Variants in TRPC1 observed in about 807,000 individuals in gnomAD.
TRPC1 encodes the protein transient receptor potential cation channel subfamily C member 1.
TRPC1 carries 42 observed loss-of-function variants against 88.2 expected under a neutral mutation model. The ratio of observed to expected loss-of-function variants is 0.48; its 90% confidence interval spans 0.37 to 0.62. The LOEUF is 0.62. Among genes scored for constraint, TRPC1 ranks in the 20% least tolerant of loss-of-function variants. TRPC1 has a pLI of 0.00. For synonymous variants in TRPC1, 288 were observed against 331.8 expected (o/e 0.87, Z 1.43); for missense variants, 699 against 957.3 (o/e 0.73, Z 3.56).
intron 2 of TRPC1, among the ~76,000 whole-genome samples, chr3:142,742,483 G>A (rs763650766): frequency 6.6e-6 from 1 of 152,014 alleles, no homozygotes; most frequent in Non-Finnish European, 1.5e-5. Flanking sequence ...AGATATTCAG[G>A]TAAAGTCTGC....
At chr3:142,782,084 A>C (rs555059472) in intron 6 of TRPC1, among the ~76,000 whole-genome samples, 4 of 152,290 alleles carry the variant, frequency 2.6e-5, no homozygotes, top group African/African-American at 9.6e-5. Context: ...TGATAGAATA[A>C]GGGGATTACA....
At chr3:142,754,430 TGAC>T (rs1430373522) in intron 4 of TRPC1, among the ~76,000 whole-genome samples, 3 of 151,992 alleles carry the variant, frequency 2.0e-5, no homozygotes, top group African/African-American at 4.8e-5. Flanking sequence ...ATAAAAAAAA[TGAC>T]GAGTTAATGT....
chr3:142,741,219 TTC>T (rs1343392608), intron 2 of TRPC1, among the ~76,000 whole-genome samples: 2 of 123,502 alleles, frequency 1.6e-5, no homozygotes, highest in Non-Finnish European at 3.6e-5. Context: ...AAACATTTAT[TTC>T]TCTCATAACT....
Position 142,724,486 on chromosome 3 carries a change from T to TC in TRPC1, c.-74_-73insC. 1.4e-6 allele frequency: 2 copies of TC among 1,384,056 alleles called. No individual in the cohort carries two copies. Among genetic ancestry groups the TC allele is most frequent in the East Asian group, 5.6e-5 (2 of 35,744 alleles). The allele number at this position is 1,384,056 out of a possible 1,614,324, so 85.7% of individuals were successfully genotyped here. A position where few individuals can be genotyped will look rare whatever the true frequency, so the allele number is the denominator to read the frequency against. ...CCTTTTTCCAGCCCTGGGGCGTGGC[T>TC]GGGGTCGGGGTCGGGGTCGGGGCCG... On this transcript the variant is annotated 5_prime_UTR_variant, in exon 1 of 13. Coordinates refer to ENST00000476941, the MANE Select transcript of TRPC1 (RefSeq NM_001251845.2). This position sits in a 1 kb window ranked among gnomAD's most constrained non-coding sequence, Gnocchi z 5.6.
rs1253502996 is a variant in TRPC1 at position 142,806,902 on chromosome 3, A to T, written c.*667A>T. 1 of 151,936 alleles carries T rather than the reference A, an allele frequency of 6.6e-6. No homozygotes were observed. The highest frequency in any genetic ancestry group is 1.5e-5 in the Non-Finnish European group (1 of 67,948). The allele number at this position is 151,936 out of a possible 1,614,324, so 9.4% of individuals were successfully genotyped here. A position where few individuals can be genotyped will look rare whatever the true frequency, so the allele number is the denominator to read the frequency against. The stretch of plus-strand genomic sequence containing the variant: ...TAATGTTTTTTTCACTTAATATTTT[A>T]TATATACATTTCCATGTATTGATGT... On this transcript the variant is annotated 3_prime_UTR_variant, in exon 13 of 13. Coordinates refer to ENST00000476941, the MANE Select transcript of TRPC1 (RefSeq NM_001251845.2).
At chr3:142,805,119 A>AAC (rs1202223343) in intron 12 of TRPC1, among the ~76,000 whole-genome samples, 3 of 95,952 alleles carry the variant, frequency 3.1e-5, no homozygotes, top group African/African-American at 1.4e-4. Flanking sequence ...CAAACAAACA[A>AAC]ATATATATAT....
intron 1 of TRPC1, among the ~76,000 whole-genome samples, chr3:142,730,087 A>G (rs1384154048): frequency 1.4e-4 from 22 of 152,162 alleles, no homozygotes; most frequent in Admixed American, 1.4e-3. Flanking sequence ...AAGCAACACA[A>G]TAAATCCTTT....
chr3:142,731,705 A>G (rs1025173233), intron 1 of TRPC1, among the ~76,000 whole-genome samples: 2 of 152,000 alleles, frequency 1.3e-5, no homozygotes, highest in African/African-American at 2.4e-5. Flanking sequence ...TTTTTAACCG[A>G]TAACTCTAGC....
At position 142,735,105 on chromosome 3, in the gene TRPC1, A is replaced by G. The variant is rs889086469; in HGVS notation, c.173-1274A>G. ...TATTAACTACTAGTACTATGGGGAA[A>G]ATATTTCTTTTTGTGACTAGTTTTC... On this transcript the variant is annotated intron_variant, in intron 1 of 12. Coordinates refer to ENST00000476941, the MANE Select transcript of TRPC1 (RefSeq NM_001251845.2). Among the ~76,000 whole-genome samples the G allele has an allele frequency of 5.3e-5, 8 of 152,148 alleles. No individual in the cohort carries two copies. The East Asian group carries it at 9.6e-4, about 18-fold the overall frequency.
At chr3:142,803,954 C>G in intron 10 of TRPC1, 23 bp from the exon 11 acceptor site, 1 of 1,601,320 alleles carries the variant, frequency 6.2e-7, no homozygotes, top group Non-Finnish European at 8.5e-7. Flanking sequence ...GCCTTTTAAA[C>G]AGAAATGCAA....
In TRPC1 at chr3:142,777,340, T is replaced by C. The variant is rs191363748; in HGVS notation, c.633-292T>C. Reference sequence around the variant, plus strand: ...GTTGGTCCAGAAATATGAATTTAATTAAACTGGATTAAACAAAAATCTTTA... The same window carrying C: ...GTTGGTCCAGAAATATGAATTTAATCAAACTGGATTAAACAAAAATCTTTA... On this transcript the variant is annotated intron_variant, in intron 4 of 12. Coordinates refer to ENST00000476941, the MANE Select transcript of TRPC1 (RefSeq NM_001251845.2). Among the ~76,000 whole-genome samples, 713 of 152,262 alleles carry C rather than the reference T, an allele frequency of 4.7e-3. 4 individuals carry two copies. The highest frequency in any genetic ancestry group is 0.016 in the African/African-American group (668 of 41,550).
At chr3:142,743,159 A>G (rs1311295772) in intron 2 of TRPC1, among the ~76,000 whole-genome samples, 1 of 150,188 alleles carries the variant, frequency 6.7e-6, no homozygotes, top group Non-Finnish European at 1.5e-5. Context: ...TCCACAGTTC[A>G]AGAGTAAGGA....
intron 4 of TRPC1, among the ~76,000 whole-genome samples, chr3:142,771,165 C>A (rs913853627): frequency 3.9e-5 from 6 of 152,202 alleles, no homozygotes; most frequent in African/African-American, 1.4e-4. Flanking sequence ...CAAGGCCCCA[C>A]CTCCAACATT....
At chr3:142,782,816 G>A (rs1205526291) in intron 6 of TRPC1, among the ~76,000 whole-genome samples, 2 of 152,186 alleles carry the variant, frequency 1.3e-5, no homozygotes, top group African/African-American at 4.8e-5. Context: ...AGAAGCCTCT[G>A]CGGGCTGGCT....
chr3:142,791,291 G>A, intron 8 of TRPC1, 133 bp downstream of exon 8: 1 of 716,134 alleles, frequency 1.4e-6, no homozygotes, highest in Non-Finnish European at 2.1e-6. Flanking sequence ...AAGCCTATCT[G>A]TGTGCACATA....
intron 2 of TRPC1, among the ~76,000 whole-genome samples, chr3:142,737,342 G>GTATA (rs1934180949): frequency 6.7e-6 from 1 of 148,802 alleles, no homozygotes; most frequent in African/African-American, 2.5e-5. Context: ...ATATATGTAT[G>GTATA]TATGTATGTA....
At chr3:142,804,893 T>G (rs1219208711) in intron 12 of TRPC1, among the ~76,000 whole-genome samples, 1 of 152,060 alleles carries the variant, frequency 6.6e-6, no homozygotes. Context: ...CATCATCACT[T>G]GAGGTCAGGA....
At chr3:142,744,918 A>C in intron 3 of TRPC1, among the ~76,000 whole-genome samples, 1 of 152,238 alleles carries the variant, frequency 6.6e-6, no homozygotes, top group East Asian at 1.9e-4. Context: ...GGCTGGCTAT[A>C]AGCAGAAGAA....
At position 142,776,948 on chromosome 3, in the gene TRPC1, AAAGAT is replaced by A. The variant is rs934253423; in HGVS notation, c.633-683_633-679del. On this transcript the variant is annotated intron_variant, in intron 4 of 12. Coordinates refer to ENST00000476941, the MANE Select transcript of TRPC1 (RefSeq NM_001251845.2). The surrounding 1 kb of genome is among the most constrained non-coding windows in gnomAD (Gnocchi z 4.1). ...TATTTTTATTACTGAGAGAGAAAGA[AAAGAT>A]TTATTAGTCATCAAATCCACATCAT... Among the ~76,000 whole-genome samples, 4 of 152,138 alleles carry A rather than the reference AAAGAT, an allele frequency of 2.6e-5. No homozygotes were observed. Among genetic ancestry groups the A allele is most frequent in the African/African-American group, 9.7e-5 (4 of 41,432 alleles).
Sources: allele counts gnomAD v4.1 joint callset (sites outside exome capture counted in the v4.1 genomes callset), GRCh38; gene constraint gnomAD v4.1.1; non-coding constraint Gnocchi (gnomAD v3.1); transcripts MANE v1.5; gene names NCBI Gene and HGNC (gene_info 2026-07-23, HGNC 2026-07-21).